Variants in DENND2C observed in about 807,000 individuals in gnomAD.
DENND2C encodes the protein DENN domain-containing protein 2C.
DENND2C carries 72 observed loss-of-function variants against 112.4 expected under a neutral mutation model. That is an observed-to-expected ratio of 0.64 (90% CI 0.53 to 0.78). DENND2C has a LOEUF of 0.78. Among genes scored for constraint, DENND2C ranks in the 30% least tolerant of loss-of-function variants. The pLI, the probability that DENND2C is intolerant of heterozygous loss-of-function variation, is 0.00. For synonymous variants in DENND2C, 329 were observed against 381.6 expected, an observed-to-expected ratio of 0.86 and a Z score of 1.61; for missense variants, 992 against 1,113.8, an observed-to-expected ratio of 0.89 and a Z score of 1.56.
At chr1:114,621,621 TTGAA>T (rs1277531754) in intron 7 of DENND2C, among the ~76,000 whole-genome samples, 1 of 152,248 alleles carries the variant, frequency 6.6e-6, no homozygotes, top group Non-Finnish European at 1.5e-5. Context: ...TGGTGCTTCC[TTGAA>T]ATAGGCAGAC....
intron 3 of DENND2C, among the ~76,000 whole-genome samples, chr1:114,634,182 G>C (rs919192561): frequency 6.6e-6 from 1 of 152,196 alleles, no homozygotes; most frequent in Non-Finnish European, 1.5e-5. Context: ...ATTTTAGTTG[G>C]GGATTTTAAC....
chr1:114,637,105 C>CAA (rs112092901), intron 3 of DENND2C, among the ~76,000 whole-genome samples: 3,973 of 148,566 alleles, frequency 0.027, 91 homozygotes, highest in Non-Finnish European at 0.034. Context: ...AACAAAAATA[C>CAA]AAAAAAAAAC....
intron 1 of DENND2C, among the ~76,000 whole-genome samples, chr1:114,659,071 C>T (rs1251425535): frequency 6.6e-6 from 1 of 151,968 alleles, no homozygotes; most frequent in Admixed American, 6.6e-5. Context: ...AATCTCTTGG[C>T]CAAATATTTT....
intron 7 of DENND2C, among the ~76,000 whole-genome samples, 157 bp from the exon 8 acceptor site, chr1:114,618,639 T>C (rs900825804): frequency 2.0e-5 from 3 of 152,222 alleles, no homozygotes; most frequent in African/African-American, 7.2e-5. Context: ...ATGATGATCT[T>C]TAATTAGATG....
intron 14 of DENND2C, 25 bp from the exon 15 acceptor site, chr1:114,600,377 G>T: frequency 6.2e-7 from 1 of 1,612,990 alleles, no homozygotes; most frequent in Non-Finnish European, 8.5e-7. Context: ...GTTGAATCAG[G>T]TGAGCTAATG....
chr1:114,627,996 A>T (rs943424829), intron 3 of DENND2C, among the ~76,000 whole-genome samples: 4 of 152,084 alleles, frequency 2.6e-5, no homozygotes, highest in African/African-American at 9.7e-5. Flanking sequence ...CTAAAAAAAA[A>T]TTTTAACTTG....
In DENND2C at chr1:114,622,847, A is replaced by AAC. The variant is rs1323961590; in HGVS notation, c.1056+139_1056+140insGT. ...TATGTTATCCCAAAAAACAAAACAA[A>AAC]AATTAAAAAAACTACCACCAACATT... On this transcript the variant is annotated intron_variant, in intron 6 of 20. Coordinates refer to ENST00000393274, the MANE Select transcript of DENND2C (RefSeq NM_001256404.2). 4.0e-5 allele frequency: 23 copies of AAC among 568,210 alleles called. 1 individual carries two copies. The highest frequency in any genetic ancestry group is 3.8e-4 in the Admixed American group (10 of 26,036). The allele number at this position is 568,210 out of a possible 1,614,324, so 35.2% of individuals were successfully genotyped here. A position where few individuals can be genotyped will look rare whatever the true frequency, so the allele number is the denominator to read the frequency against.
intron 18 of DENND2C, among the ~76,000 whole-genome samples, chr1:114,590,246 T>G (rs1448956494): frequency 6.6e-6 from 1 of 152,098 alleles, no homozygotes; most frequent in African/African-American, 2.4e-5. Context: ...AAGAATTAGC[T>G]GAGCGTGGTG....
At chr1:114,603,304 T>A (rs1437593097) in intron 11 of DENND2C, among the ~76,000 whole-genome samples, 3 of 151,942 alleles carry the variant, frequency 2.0e-5, no homozygotes, top group Non-Finnish European at 4.4e-5. Flanking sequence ...CACACCCAGC[T>A]GATTTTTTAT....
At chr1:114,629,237 C>G (rs1054845749) in intron 3 of DENND2C, among the ~76,000 whole-genome samples, 1 of 152,154 alleles carries the variant, frequency 6.6e-6, no homozygotes, top group Admixed American at 6.5e-5. Flanking sequence ...CATTCAGTTC[C>G]TCACCTGAAC....
At chr1:114,613,420 TTAAGA>T (rs1164026634) in intron 8 of DENND2C, among the ~76,000 whole-genome samples, 1 of 152,178 alleles carries the variant, frequency 6.6e-6, no homozygotes, top group African/African-American at 2.4e-5. Context: ...CTGCCTATTC[TTAAGA>T]TAGGTGGGAA....
chr1:114,611,603 C>G (rs2101655778), intron 8 of DENND2C, among the ~76,000 whole-genome samples: 1 of 152,298 alleles, frequency 6.6e-6, no homozygotes, highest in East Asian at 1.9e-4. Context: ...TATGGTGCCT[C>G]TAAGTGCCTC....
At chr1:114,593,070 C>A (rs1187141646) in intron 18 of DENND2C, among the ~76,000 whole-genome samples, 1 of 152,080 alleles carries the variant, frequency 6.6e-6, no homozygotes, top group Non-Finnish European at 1.5e-5. Flanking sequence ...TAGGTTCAAG[C>A]AATCCTCCTG....
At chr1:114,610,438 C>T (rs1198681681) in intron 9 of DENND2C, among the ~76,000 whole-genome samples, 4 of 152,268 alleles carry the variant, frequency 2.6e-5, no homozygotes, top group South Asian at 2.1e-4. Flanking sequence ...CGGTGGCTCA[C>T]GCCTGTAATC....
At chr1:114,660,731 T>A (rs1657468450) in intron 1 of DENND2C, among the ~76,000 whole-genome samples, 1 of 152,182 alleles carries the variant, frequency 6.6e-6, no homozygotes, top group African/African-American at 2.4e-5. Context: ...TATTTAATAG[T>A]TTTTTCCCAG....
chr1:114,587,443 A>G lies in DENND2C; in HGVS notation c.2699T>C (p.Leu900Ser), dbSNP rs750641903. ...GLFEIRAIQY[L>S]ETIPESEPSG... The stretch of plus-strand genomic sequence containing the variant: ...GGGCTCCGACTCAGGAATTGTTTCC[A>G]AATACTGGATGGCCCGGATCTCAAA... Residue 900 changes from leucine (L) to serine (S), a missense_variant, in exon 20 of 21, where the codon TTG (leucine) becomes TCG (serine). Physicochemically the swap from Leu to Ser is moderately radical, Grantham distance 145. This residue lies in a region of DENND2C where 516 missense variants were observed against 623.6 expected (regional missense o/e 0.83). Coordinates refer to ENST00000393274, the MANE Select transcript of DENND2C (RefSeq NM_001256404.2). 2 of 1,614,222 alleles carry G rather than the reference A, an allele frequency of 1.2e-6. No individual in the cohort carries two copies. Among genetic ancestry groups the G allele is most frequent in the East Asian group, 2.2e-5 (1 of 44,880 alleles).
intron 8 of DENND2C, among the ~76,000 whole-genome samples, chr1:114,617,991 T>A (rs1170245039): frequency 2.6e-4 from 12 of 46,660 alleles, no homozygotes; most frequent in Non-Finnish European, 4.6e-4. Flanking sequence ...GTAAACCAAA[T>A]TTTTTTTTTT....
At chr1:114,661,158 C>T (rs1320078115) in intron 1 of DENND2C, among the ~76,000 whole-genome samples, 2 of 150,928 alleles carry the variant, frequency 1.3e-5, no homozygotes, top group African/African-American at 4.9e-5. Flanking sequence ...ATCTTCACTA[C>T]CTAAAAGCAC....
intron 9 of DENND2C, among the ~76,000 whole-genome samples, chr1:114,609,177 A>G (rs542373168): frequency 1.3e-5 from 2 of 152,348 alleles, no homozygotes; most frequent in Admixed American, 6.5e-5. Context: ...CCCATCTTTC[A>G]TGGCATCAAA....
Sources: allele counts gnomAD v4.1 joint callset (sites outside exome capture counted in the v4.1 genomes callset), GRCh38; gene constraint gnomAD v4.1.1; regional missense constraint gnomAD v4.1.1; transcripts MANE v1.5; gene names NCBI Gene and HGNC (gene_info 2026-07-23, HGNC 2026-07-21).